The following ST7 variants were observed in gnomAD, a reference collection of about 807,000 sequenced individuals.
ST7 encodes the protein suppression of tumorigenicity 7, also known as suppressor of tumorigenicity 7 protein.
Under a neutral mutation model 78.7 loss-of-function variants are expected in ST7, and 28 were observed. The observed-to-expected ratio is 0.36, with a 90% CI of 0.26 to 0.49. The LOEUF (loss-of-function observed/expected upper bound fraction) is 0.49, where lower values mean the gene tolerates loss of function less well. Ranked by LOEUF, ST7 falls within the 20% of genes least tolerant of loss-of-function variation. The probability of loss-of-function intolerance (pLI) is 0.99; values close to 1 mark genes in which losing one functional copy is unlikely to be tolerated. For synonymous variants in ST7, 247 were observed against 249.6 expected, an observed-to-expected ratio of 0.99 and a Z score of 0.10; for missense variants, 418 against 696.0, an observed-to-expected ratio of 0.60 and a Z score of 4.49.
At chr7:117,074,202 C>A (rs1391786401) in intron 1 of ST7, among the ~76,000 whole-genome samples, 1 of 152,076 alleles carries the variant, frequency 6.6e-6, no homozygotes, top group Non-Finnish European at 1.5e-5. Context: ...ACCAGCCTGG[C>A]CAACATGGTG....
chr7:117,040,272 T>G (rs1797138316), intron 1 of ST7, among the ~76,000 whole-genome samples: 1 of 152,038 alleles, frequency 6.6e-6, no homozygotes, highest in African/African-American at 2.4e-5. Context: ...TTTGGGAGGC[T>G]GAGGCAGGAG....
chr7:117,193,150 T>TACACACAC (rs137866535), intron 12 of ST7, among the ~76,000 whole-genome samples: 74 of 144,968 alleles, frequency 5.1e-4, no homozygotes, highest in African/African-American at 1.0e-3. Context: ...CTTTAGCAGA[T>TACACACAC]ACACACACAC....
At chr7:117,003,252 C>T (rs1278325440) in intron 1 of ST7, among the ~76,000 whole-genome samples, 2 of 151,602 alleles carry the variant, frequency 1.3e-5, no homozygotes, top group Non-Finnish European at 2.9e-5. Flanking sequence ...CCATCTCAGC[C>T]TCCCAAGTAG....
At chr7:117,004,208 G>A (rs1795062449) in intron 1 of ST7, among the ~76,000 whole-genome samples, 2 of 152,076 alleles carry the variant, frequency 1.3e-5, no homozygotes, top group South Asian at 4.2e-4. Context: ...GTTAAATTAG[G>A]GAGAAGAAAC....
chr7:117,128,548 G>A (rs377019010), intron 3 of ST7, among the ~76,000 whole-genome samples: 2 of 151,764 alleles, frequency 1.3e-5, no homozygotes, highest in Admixed American at 1.3e-4. Flanking sequence ...ATTTTAAGTG[G>A]GATCCTGCCC....
At position 117,189,155 on chromosome 7, in the gene ST7, T is replaced by C. The variant is rs559027800; in HGVS notation, c.1079-166T>C. Among the ~76,000 whole-genome samples, 8 of 152,370 alleles carry C rather than the reference T, an allele frequency of 5.3e-5. No individual in the cohort carries two copies. The South Asian group carries it at 1.4e-3, about 28-fold the overall frequency. ...ACTACCCTTAGTTTCACATACCACG[T>C]TGATACAGTAAGGAATAGCTGAAAT... On this transcript the variant is annotated intron_variant, in intron 10 of 15. Transcript: ENST00000323984.
At chr7:117,039,835 T>A (rs1424965011) in intron 1 of ST7, among the ~76,000 whole-genome samples, 1 of 152,234 alleles carries the variant, frequency 6.6e-6, no homozygotes, top group Non-Finnish European at 1.5e-5. Flanking sequence ...GAACTCATTC[T>A]GGGCCAGTTA....
intron 12 of ST7, among the ~76,000 whole-genome samples, chr7:117,208,902 G>GGTGTGTGTGT (rs58017025): frequency 7.2e-5 from 10 of 139,800 alleles, no homozygotes; most frequent in African/African-American, 2.4e-4. Flanking sequence ...TGTATGTGTG[G>GGTGTGTGTGT]GTGTGTGTGT....
rs192738713 is a variant in ST7, at chr7:116,955,757, T to C, written c.151+2066T>C. 3.3e-5 allele frequency among the ~76,000 whole-genome samples: 5 copies of C among 152,272 alleles called. No homozygotes were observed. The East Asian group carries it at 9.6e-4, about 29-fold the overall frequency. On this transcript the variant is annotated intron_variant, in intron 1 of 15. Coordinates refer to ENST00000323984, the MANE Select transcript of ST7 (RefSeq NM_001369598.1). ...AGAAGCAAAATATCTACTGGGAAAA[T>C]GTGTACTTCTTAAGGAAGGGCATTG... is the stretch of plus-strand genomic sequence containing the variant.
Position 117,170,958 on chromosome 7 carries a change from G to C in ST7, c.1060G>C (p.Val354Leu). The C allele has an allele frequency of 1.9e-6, 3 of 1,608,722 alleles. No individual in the cohort carries two copies. Among genetic ancestry groups the C allele is most frequent in the Non-Finnish European group, 2.5e-6 (3 of 1,177,174 alleles). The change falls in exon 10 of 16, where the codon GTC (valine) becomes CTC (leucine). Residue 354 changes from valine to leucine, a missense_variant. Physicochemically the swap from Val to Leu is conservative, Grantham distance 32 (BLOSUM62 1). Coordinates refer to ENST00000323984, the MANE Select transcript of ST7 (RefSeq NM_001369598.1). ...ACAAGCATATGCTGATGTTCAGGCAGTCTTAGCAAAGTATGATGGTAAGTT... is the reference window on the plus strand; with the variant it reads ...ACAAGCATATGCTGATGTTCAGGCACTCTTAGCAAAGTATGATGGTAAGTT... ...ELQAYADVQA[V>L]LAKYDDISLP...
At chr7:117,132,101 GT>G (rs1328307018) in intron 6 of ST7, 141 bp downstream of exon 6, 1,566 of 719,746 alleles carry the variant, frequency 2.2e-3, no homozygotes, top group South Asian at 3.3e-3. Context: ...ATTTAAAAAA[GT>G]TTTTTTTTTA....
chr7:117,198,633 A>G (rs1412436235), intron 12 of ST7: 3 of 194,858 alleles, frequency 1.5e-5, no homozygotes, highest in Non-Finnish European at 3.2e-5. Context: ...CTCCATGCCA[A>G]CCCACTCCCA....
chr7:116,972,081 A>C (rs1294656569), intron 1 of ST7: 1 of 519,016 alleles, frequency 1.9e-6, no homozygotes, highest in Non-Finnish European at 3.7e-6. Flanking sequence ...ATCAGTCCTC[A>C]GTTAAAGGTC....
intron 9 of ST7, among the ~76,000 whole-genome samples, chr7:117,153,508 G>T (rs1224012840): frequency 6.6e-6 from 1 of 152,112 alleles, no homozygotes; most frequent in African/African-American, 2.4e-5. Context: ...AAAAGAAGTG[G>T]CCAGAGAAGT....
At chr7:117,027,181 C>T (rs1234364354) in intron 1 of ST7, among the ~76,000 whole-genome samples, 15 of 152,328 alleles carry the variant, frequency 9.8e-5, no homozygotes, top group Admixed American at 5.9e-4. Flanking sequence ...CAGTGGCTCA[C>T]GCCTGTAATC....
At chr7:117,103,063 T>C (rs2116826358) in intron 2 of ST7, among the ~76,000 whole-genome samples, 1 of 152,172 alleles carries the variant, frequency 6.6e-6, no homozygotes, top group Admixed American at 6.5e-5. Context: ...TAAACCCTGA[T>C]GGAAAAAAAT....
chr7:117,154,382 T>C (rs1352337163), intron 9 of ST7, among the ~76,000 whole-genome samples: 2 of 152,154 alleles, frequency 1.3e-5, no homozygotes, highest in Non-Finnish European at 2.9e-5. Flanking sequence ...AGATGCACAG[T>C]CTGTGACATT....
At chr7:117,091,764 A>C (rs1201992620) in intron 1 of ST7, among the ~76,000 whole-genome samples, 1 of 152,182 alleles carries the variant, frequency 6.6e-6, no homozygotes, top group African/African-American at 2.4e-5. Flanking sequence ...GCAGTTTAAC[A>C]CACACTTCTT....
intron 1 of ST7, among the ~76,000 whole-genome samples, chr7:117,012,444 TA>T (rs1795426891): frequency 1.3e-5 from 2 of 152,144 alleles, no homozygotes; most frequent in African/African-American, 4.8e-5. Flanking sequence ...TCTTCATCTC[TA>T]AAATGGGGAT....
Sources: gnomAD v4.1 joint callset for allele counts (sites outside exome capture counted in the v4.1 genomes callset) on GRCh38, gnomAD v4.1.1 for gene constraint, MANE v1.5 for transcripts, NCBI Gene and HGNC (gene_info 2026-07-23, HGNC 2026-07-21) for gene names.